AMPH: variants seen among roughly 807,000 people sequenced by gnomAD.
AMPH encodes amphiphysin (Stiff-Mann syndrome with breast cancer 128kD autoantigen).
A neutral mutation model predicts 99.1 loss-of-function variants in AMPH; 49 were observed. The observed-to-expected ratio is 0.49, with a 90% CI of 0.39 to 0.63. The LOEUF (loss-of-function observed/expected upper bound fraction) is 0.63. Ranked by LOEUF, AMPH falls within the 20% of genes least tolerant of loss-of-function variation. The pLI is 0.00. For missense variants in AMPH, 759 were observed against 863.4 expected, an observed-to-expected ratio of 0.88 and a Z score of 1.52; for synonymous variants, 314 against 317.3, an observed-to-expected ratio of 0.99 and a Z score of 0.11.
chr7:38,619,356 C>T (rs1235718854), intron 1 of AMPH, among the ~76,000 whole-genome samples: 1 of 152,130 alleles, frequency 6.6e-6, no homozygotes, highest in Non-Finnish European at 1.5e-5. Context: ...GTAGACGTAA[C>T]AAATGTAACT....
intron 1 of AMPH, among the ~76,000 whole-genome samples, chr7:38,568,413 C>T (rs187195213): frequency 7.9e-5 from 12 of 152,126 alleles, no homozygotes; most frequent in African/African-American, 2.9e-4. Context: ...TGCAGTAAGC[C>T]AAGATTGTGC....
chr7:38,580,301 C>T lies in AMPH; in HGVS notation c.70-45290G>A, dbSNP rs534616408. Among the ~76,000 whole-genome samples the T allele has an allele frequency of 3.3e-5, 5 of 152,270 alleles. No homozygotes were observed. In the South Asian group the frequency reaches 1.0e-3, roughly 32 times the overall value. ...CTACAAGAACAAAAGGCTCTGAATT[C>T]CATTAAGCATGTAAAACCCTGCATT... On this transcript the variant is annotated intron_variant, in intron 1 of 20. Transcript: ENST00000356264.
intron 13 of AMPH, among the ~76,000 whole-genome samples, chr7:38,431,656 TA>T (rs76704369): frequency 0.087 from 10,455 of 120,410 alleles, 1,219 homozygotes; most frequent in African/African-American, 0.28. Flanking sequence ...GACTCCGTCT[TA>T]AAAAAAAAAA....
At chr7:38,469,671 A>G (rs1247898357) in intron 7 of AMPH, among the ~76,000 whole-genome samples, 2 of 152,154 alleles carry the variant, frequency 1.3e-5, no homozygotes, top group East Asian at 3.9e-4. Flanking sequence ...ACCTCTCAGC[A>G]AGACTCCTCA....
chr7:38,437,254 T>C (rs536779649), intron 11 of AMPH, among the ~76,000 whole-genome samples: 2 of 152,166 alleles, frequency 1.3e-5, no homozygotes, highest in East Asian at 3.9e-4. Context: ...TAAGACAAAG[T>C]CCCATAAAGT....
At chr7:38,460,372 A>G (rs1298126626) in intron 11 of AMPH, among the ~76,000 whole-genome samples, 2 of 152,198 alleles carry the variant, frequency 1.3e-5, no homozygotes, top group African/African-American at 4.8e-5. Flanking sequence ...TGTGTATATC[A>G]AAGGAATACC....
At chr7:38,411,748 T>G (rs1197356178) in intron 17 of AMPH, among the ~76,000 whole-genome samples, 2 of 152,160 alleles carry the variant, frequency 1.3e-5, no homozygotes, top group Admixed American at 1.3e-4. Flanking sequence ...CTTTATTATC[T>G]CAACAGAGTT....
chr7:38,549,704 G>A (rs2129045559), intron 1 of AMPH, among the ~76,000 whole-genome samples: 1 of 152,198 alleles, frequency 6.6e-6, no homozygotes, highest in East Asian at 1.9e-4. Context: ...TAAAGCACAG[G>A]GGCTGTAAGG....
chr7:38,593,894 G>T (rs1792951344), intron 1 of AMPH, among the ~76,000 whole-genome samples: 1 of 152,220 alleles, frequency 6.6e-6, no homozygotes, highest in South Asian at 2.1e-4. Flanking sequence ...AAAGCTGGCG[G>T]GAGGGTGGTG....
intron 1 of AMPH, among the ~76,000 whole-genome samples, chr7:38,565,978 GAT>G (rs1259812280): frequency 6.6e-6 from 1 of 152,112 alleles, no homozygotes; most frequent in African/African-American, 2.4e-5. Flanking sequence ...TCAAAGAAAA[GAT>G]ATCTTCATAT....
chr7:38,491,006 T>C, intron 5 of AMPH, 44 bp downstream of exon 5: 3 of 1,286,696 alleles, frequency 2.3e-6, no homozygotes, highest in Non-Finnish European at 3.4e-6. Flanking sequence ...AATAACTACA[T>C]GACCCCACTC....
At position 38,461,184 on chromosome 7, in the gene AMPH, TG is replaced by T. The variant is rs1424026068; in HGVS notation, c.1017+98del. 7 of 1,374,654 alleles carry T rather than the reference TG, an allele frequency of 5.1e-6. No individual in the cohort carries two copies. The African/African-American group carries it at 8.7e-5, about 17-fold the overall frequency. The allele number at this position is 1,374,654 out of a possible 1,614,324, so 85.2% of individuals were successfully genotyped here. On this transcript the variant is annotated intron_variant, in intron 11 of 20. Transcript: ENST00000356264. ...GCCTGAATGACAATTAAAATTATGT[TG>T]TTGGTTCTGGAACCGCCACTTTCTT...
At chr7:38,597,203 T>C (rs1207175900) in intron 1 of AMPH, among the ~76,000 whole-genome samples, 1 of 152,180 alleles carries the variant, frequency 6.6e-6, no homozygotes, top group Non-Finnish European at 1.5e-5. Context: ...AAGTTTCAGA[T>C]TCATAGTCAT....
chr7:38,580,075 C>G lies in AMPH; in HGVS notation c.70-45064G>C, dbSNP rs562380229. 7.9e-5 allele frequency among the ~76,000 whole-genome samples: 12 copies of G among 152,248 alleles called. 1 individual carries two copies. The South Asian group carries it at 2.5e-3, about 32-fold the overall frequency. On this transcript the variant is annotated intron_variant, in intron 1 of 20. Coordinates refer to ENST00000356264, the MANE Select transcript of AMPH (RefSeq NM_001635.4). Reference sequence around the variant, plus strand: ...ACATTTACAGATTCTCATCAGAGCACTACATCAATTTTACATAAATAAAAT... The same window carrying G: ...ACATTTACAGATTCTCATCAGAGCAGTACATCAATTTTACATAAATAAAAT...
intron 17 of AMPH, among the ~76,000 whole-genome samples, chr7:38,413,727 T>C (rs1409910276): frequency 1.3e-5 from 2 of 152,190 alleles, no homozygotes; most frequent in African/African-American, 4.8e-5. Context: ...TTTCTTGACA[T>C]CTTAAAGCAT....
At chr7:38,514,559 A>G (rs1789664257) in intron 2 of AMPH, among the ~76,000 whole-genome samples, 1 of 152,220 alleles carries the variant, frequency 6.6e-6, no homozygotes, top group Non-Finnish European at 1.5e-5. Context: ...TGAGGTGATT[A>G]GGCCATGATG....
chr7:38,527,246 T>C (rs2129037321), intron 2 of AMPH, among the ~76,000 whole-genome samples: 1 of 152,348 alleles, frequency 6.6e-6, no homozygotes, highest in East Asian at 1.9e-4. Flanking sequence ...GGTCTGTGCA[T>C]TTCCATGTAA....
intron 5 of AMPH, 74 bp downstream of exon 5, chr7:38,490,976 T>C (rs1162791735): frequency 1.1e-6 from 1 of 939,388 alleles, no homozygotes; most frequent in South Asian, 1.7e-5. Context: ...TTGTAATAAT[T>C]CTTCTCTTGC....
At chr7:38,412,420 G>A (rs1175096009) in intron 17 of AMPH, among the ~76,000 whole-genome samples, 3 of 152,168 alleles carry the variant, frequency 2.0e-5, no homozygotes, top group African/African-American at 7.2e-5. Flanking sequence ...ACTTGGCCCT[G>A]TTTGAGATGG....
Sources: gnomAD v4.1 joint callset for allele counts (sites outside exome capture counted in the v4.1 genomes callset) on GRCh38, gnomAD v4.1.1 for gene constraint, MANE v1.5 for transcripts, NCBI Gene and HGNC (gene_info 2026-07-23, HGNC 2026-07-21) for gene names.